PRR16: variants seen among roughly 807,000 people sequenced by gnomAD.
The protein encoded by PRR16 is proline rich 16.
PRR16 carries 6 observed loss-of-function variants against 18.2 expected under a neutral mutation model. The ratio of observed to expected loss-of-function variants is 0.33; its 90% CI spans 0.18 to 0.65. PRR16 has a LOEUF of 0.65. Ranked by LOEUF, PRR16 falls within the 30% of genes least tolerant of loss-of-function variation. PRR16 has a pLI of 0.74. For synonymous variants in PRR16, 151 were observed against 147.8 expected (o/e 1.02, Z -0.16); for missense variants, 412 against 376.6 (o/e 1.09, Z -0.78).
At chr5:120,706,311 A>G in the PRR16 span, among the ~76,000 whole-genome samples, 1 of 7,242 alleles carries the variant, frequency 1.4e-4, no homozygotes, top group African/African-American at 2.2e-4. Context: ...TTACCTCTTG[A>G]TTTTTGTCAG....
At chr5:120,683,255 G>A (rs1757025839) in intron 1 of PRR16, among the ~76,000 whole-genome samples, 2 of 152,016 alleles carry the variant, frequency 1.3e-5, no homozygotes, top group Admixed American at 1.3e-4. Context: ...AGTGAAACTG[G>A]GCTGAAGCGA....
chr5:120,544,556 A>G (rs1188650842), intron 1 of PRR16, among the ~76,000 whole-genome samples: 1 of 152,158 alleles, frequency 6.6e-6, no homozygotes, highest in Non-Finnish European at 1.5e-5. Flanking sequence ...CACTAAAACC[A>G]AAACTTTATA....
chr5:120,614,352 T>C (rs1389552063), intron 1 of PRR16, among the ~76,000 whole-genome samples: 1 of 152,222 alleles, frequency 6.6e-6, no homozygotes, highest in East Asian at 1.9e-4. Flanking sequence ...TGTTGATTAA[T>C]TCTGCACAGG....
At chr5:120,641,273 A>C (rs182810808) in intron 1 of PRR16, among the ~76,000 whole-genome samples, 6 of 152,268 alleles carry the variant, frequency 3.9e-5, no homozygotes, top group African/African-American at 7.2e-5. Flanking sequence ...GGGGATCAAC[A>C]GTTAAGTTTT....
the PRR16 span, among the ~76,000 whole-genome samples, chr5:120,762,263 C>T: frequency 2.0e-5 from 3 of 152,070 alleles, no homozygotes; most frequent in Admixed American, 6.6e-5. Context: ...CATGGTAGTT[C>T]TATTTTTAGT....
chr5:120,670,588 C>G (rs1029083804), intron 1 of PRR16, among the ~76,000 whole-genome samples: 1 of 152,090 alleles, frequency 6.6e-6, no homozygotes, highest in African/African-American at 2.4e-5. Flanking sequence ...TTAAATCAGT[C>G]AGGAAGGTAT....
intron 1 of PRR16, among the ~76,000 whole-genome samples, chr5:120,550,564 AG>A (rs1752223108): frequency 6.6e-6 from 1 of 152,004 alleles, no homozygotes; most frequent in Admixed American, 6.6e-5. Context: ...ATGCAGTAAA[AG>A]GGTGTTTGAA....
chr5:120,716,539 C>T, the PRR16 span, among the ~76,000 whole-genome samples: 3 of 152,156 alleles, frequency 2.0e-5, no homozygotes, highest in African/African-American at 7.2e-5. Flanking sequence ...CCTGGTACCA[C>T]CAGTGGCTGG....
intron 1 of PRR16, among the ~76,000 whole-genome samples, chr5:120,568,724 A>C (rs1270494001): frequency 1.3e-5 from 2 of 152,200 alleles, no homozygotes; most frequent in Admixed American, 1.3e-4. Context: ...TATAACTTAT[A>C]CATCAACACA....
intron 1 of PRR16, among the ~76,000 whole-genome samples, chr5:120,501,990 ATAGC>A (rs1750474932): frequency 6.7e-6 from 1 of 150,234 alleles, no homozygotes; most frequent in Non-Finnish European, 1.5e-5. Flanking sequence ...AAAGAAAGAA[ATAGC>A]TAGTATAAAA....
At chr5:120,617,153 G>A in intron 1 of PRR16, 5 of 985,306 alleles carry the variant, frequency 5.1e-6, no homozygotes, top group South Asian at 9.4e-5. Flanking sequence ...AGTGCTGCAG[G>A]CATACAGTGA....
At chr5:120,669,325 G>A (rs563638988) in intron 1 of PRR16, among the ~76,000 whole-genome samples, 1 of 151,968 alleles carries the variant, frequency 6.6e-6, no homozygotes, top group East Asian at 1.9e-4. Flanking sequence ...CTTTACCATA[G>A]TTCCCTGCTT....
At chr5:120,675,138 T>A (rs73261994) in intron 1 of PRR16, among the ~76,000 whole-genome samples, 6,621 of 152,276 alleles carry the variant, frequency 0.043, 504 homozygotes, top group African/African-American at 0.15. Flanking sequence ...CTTAGTCATA[T>A]GTTCTTATAA....
At chr5:120,668,028 G>T (rs1434700650) in intron 1 of PRR16, among the ~76,000 whole-genome samples, 6 of 151,940 alleles carry the variant, frequency 3.9e-5, no homozygotes, top group African/African-American at 1.2e-4. Flanking sequence ...TCTGTCTCGT[G>T]GATCTGTCTA....
chr5:120,564,663 C>T (rs1752679741), intron 1 of PRR16, among the ~76,000 whole-genome samples: 2 of 152,104 alleles, frequency 1.3e-5, no homozygotes, highest in Admixed American at 1.3e-4. Context: ...TCAAGCCCTC[C>T]TCAGTGCTTC....
At position 120,466,640 on chromosome 5, in the gene PRR16, G is replaced by A. The variant is rs72786236; in HGVS notation, c.159+1995G>A. ...ATTGGTTAGAATCACAAAAATGTAA[G>A]TCAGGAAATCTGTTGATACCACTTT... On this transcript the variant is annotated intron_variant, in intron 1 of 1. Transcript: ENST00000407149. 3.7e-3 allele frequency among the ~76,000 whole-genome samples: 557 copies of A among 152,258 alleles called. 2 individuals carry two copies. Among genetic ancestry groups the A allele is most frequent in the Non-Finnish European group, 4.9e-3 (336 of 68,022 alleles).
the PRR16 span, among the ~76,000 whole-genome samples, chr5:120,754,761 A>AT: frequency 2.7e-5 from 4 of 149,540 alleles, no homozygotes; most frequent in Admixed American, 1.4e-4. Context: ...TATGATATTG[A>AT]TAACATCTTT....
the PRR16 span, among the ~76,000 whole-genome samples, chr5:120,693,614 A>G: frequency 2.6e-5 from 4 of 152,174 alleles, no homozygotes; most frequent in African/African-American, 4.8e-5. Flanking sequence ...CTTTTTTATA[A>G]TATCTTCTAG....
chr5:120,499,419 G>A (rs564967520), intron 1 of PRR16, among the ~76,000 whole-genome samples: 2 of 152,070 alleles, frequency 1.3e-5, no homozygotes, highest in Non-Finnish European at 2.9e-5. Context: ...ATGGATTCCC[G>A]AGTCTCTTTT....
Sources: gnomAD v4.1 joint callset for allele counts (sites outside exome capture counted in the v4.1 genomes callset) on GRCh38, gnomAD v4.1.1 for gene constraint, MANE v1.5 for transcripts, NCBI Gene and HGNC (gene_info 2026-07-23, HGNC 2026-07-21) for gene names.